PDXDC1: variants seen among roughly 807,000 people sequenced by gnomAD.
PDXDC1 encodes pyridoxal-dependent decarboxylase domain-containing protein 1.
In PDXDC1, 42 loss-of-function variants were observed where a neutral mutation model predicts 100.1. The observed-to-expected ratio is 0.42, with a 90% CI of 0.33 to 0.54. The LOEUF is 0.54. PDXDC1 is among the 20% of genes least tolerant of loss of function. The probability of loss-of-function intolerance (pLI) is 0.10; values close to 1 mark genes in which losing one functional copy is unlikely to be tolerated. For missense variants in PDXDC1, 636 were observed against 979.2 expected (o/e 0.65, Z 4.68); for synonymous variants, 260 against 371.7 (o/e 0.70, Z 3.46).
intron 16 of PDXDC1, chr16:15,132,589 G>C: frequency 1.4e-6 from 1 of 734,074 alleles, no homozygotes; most frequent in Non-Finnish European, 2.3e-6. Flanking sequence ...CAGAGACCGA[G>C]GAACGCCATG....
chr16:15,027,279 G>A (rs2042681452), intron 14 of PDXDC1, among the ~76,000 whole-genome samples: 4 of 152,294 alleles, frequency 2.6e-5, no homozygotes, highest in South Asian at 2.1e-4. Context: ...TCAGTGCCCC[G>A]CTGCTGCTCA....
chr16:14,977,482 G>T (rs1374686283), intron 1 of PDXDC1, among the ~76,000 whole-genome samples: 1 of 152,246 alleles, frequency 6.6e-6, no homozygotes, highest in South Asian at 2.1e-4. Flanking sequence ...GTTTCACCAC[G>T]TTGGTCAGGA....
rs1032352099 is a variant in PDXDC1 at position 15,088,072 on chromosome 16, T to C, written c.1400-50807T>C. Among the ~76,000 whole-genome samples the C allele has an allele frequency of 5.3e-5, 8 of 151,676 alleles. 1 individual carries two copies. The highest frequency in any genetic ancestry group is 1.7e-4 in the African/African-American group (7 of 41,230). On this transcript the variant is annotated intron_variant, in intron 16 of 16. Transcript: ENST00000535621. ...CAGAGGTTGCAGTGAGCCAAGATCATGCCACTGCACTCCAGCCTGGGCAAC... is the reference window on the plus strand; with the variant it reads ...CAGAGGTTGCAGTGAGCCAAGATCACGCCACTGCACTCCAGCCTGGGCAAC...
rs1191726825 is a variant in PDXDC1, at chr16:14,977,867, A to AT, written c.21+2648dup. 6.6e-5 allele frequency among the ~76,000 whole-genome samples: 10 copies of AT among 152,412 alleles called. No individual in the cohort carries two copies. The South Asian group carries it at 2.1e-3, about 32-fold the overall frequency. ...ATTTAAACTGATTGTTGCATAATTT[A>AT]TACTGATTACAGAAACCACAATGTT... is the stretch of plus-strand genomic sequence containing the variant. On this transcript the variant is annotated intron_variant, in intron 1 of 22. Transcript: ENST00000396410.
chr16:15,072,367 A>T (rs1471585829), intron 16 of PDXDC1, among the ~76,000 whole-genome samples: 2 of 152,184 alleles, frequency 1.3e-5, no homozygotes, highest in East Asian at 3.8e-4. Context: ...AAGGAAATAC[A>T]GTTAATTACC....
chr16:15,001,238 C>T (rs1164683323), intron 3 of PDXDC1, among the ~76,000 whole-genome samples: 1 of 152,262 alleles, frequency 6.6e-6, no homozygotes, highest in Admixed American at 6.5e-5. Context: ...CCTGTAATCC[C>T]AGCACTTTGG....
At chr16:15,145,921 G>C in the PDXDC1 span, among the ~76,000 whole-genome samples, 2 of 152,348 alleles carry the variant, frequency 1.3e-5, no homozygotes, top group Admixed American at 1.3e-4. Flanking sequence ...CTCCAGAAAA[G>C]AACACGTGTG....
intron 16 of PDXDC1, chr16:15,094,094 C>T (rs756153921): frequency 9.4e-6 from 14 of 1,492,040 alleles, no homozygotes; most frequent in African/African-American, 1.4e-5. Flanking sequence ...CTCTAAGCGC[C>T]GTCCTGAGCT....
chr16:15,019,046 A>G lies in PDXDC1; in HGVS notation c.1089+81A>G, dbSNP rs566230233. ...AAAACATCTCATTTCTGTACCTTCCATCCAGAGTGGTGTTGTCTGGATTGA... is the reference window on the plus strand; with the variant it reads ...AAAACATCTCATTTCTGTACCTTCCGTCCAGAGTGGTGTTGTCTGGATTGA... On this transcript the variant is annotated intron_variant, in intron 12 of 22. Transcript: ENST00000396410. 8.2e-6 allele frequency: 13 copies of G among 1,593,878 alleles called. No homozygotes were observed. The East Asian group carries it at 2.3e-4, about 28-fold the overall frequency.
intron 16 of PDXDC1, chr16:15,127,819 A>C (rs2047824863): frequency 6.4e-7 from 1 of 1,562,088 alleles, no homozygotes; most frequent in Non-Finnish European, 8.7e-7. Flanking sequence ...CCATATGGAG[A>C]GCCAGATGTG....
intron 16 of PDXDC1, chr16:15,047,752 G>A: frequency 9.5e-7 from 1 of 1,052,840 alleles, no homozygotes; most frequent in Admixed American, 1.7e-5. Flanking sequence ...GGTAAGCGGA[G>A]TCCGCTTCCA....
At chr16:15,045,795 G>T (rs1384035814) in intron 16 of PDXDC1, 3 of 152,350 alleles carry the variant, frequency 2.0e-5, no homozygotes, top group Non-Finnish European at 4.4e-5. Context: ...CCGTCAAGTG[G>T]GCGAATTCAC....
intron 16 of PDXDC1, among the ~76,000 whole-genome samples, chr16:15,068,730 T>C (rs1389073664): frequency 6.6e-6 from 1 of 152,204 alleles, no homozygotes; most frequent in African/African-American, 2.4e-5. Context: ...TCTGTAGTTT[T>C]TTTTCTAAAC....
At chr16:14,980,301 A>T (rs779924296) in intron 1 of PDXDC1, among the ~76,000 whole-genome samples, 4 of 150,136 alleles carry the variant, frequency 2.7e-5, no homozygotes, top group African/African-American at 7.3e-5. Context: ...TTGATTTATA[A>T]TTTTTTTTTT....
At chr16:14,976,120 C>G (rs1421296106) in intron 1 of PDXDC1, among the ~76,000 whole-genome samples, 2 of 152,274 alleles carry the variant, frequency 1.3e-5, no homozygotes, top group African/African-American at 4.8e-5. Context: ...TAAATGGAAA[C>G]CAGTTTGGGT....
chr16:15,021,384 CAAAA>C (rs377512816), intron 12 of PDXDC1, among the ~76,000 whole-genome samples: 4 of 142,666 alleles, frequency 2.8e-5, no homozygotes, highest in Non-Finnish European at 6.1e-5. Flanking sequence ...GACCCTGTCT[CAAAA>C]AAAAAAAAGA....
At chr16:15,035,647 TA>T in intron 22 of PDXDC1, 94 bp downstream of exon 22, 1 of 682,138 alleles carries the variant, frequency 1.5e-6, no homozygotes, top group Non-Finnish European at 2.5e-6. Flanking sequence ...TCCAGAGGTC[TA>T]TTTCTCTTAA....
chr16:15,013,470 G>T (rs891371206), intron 8 of PDXDC1, among the ~76,000 whole-genome samples: 2 of 152,216 alleles, frequency 1.3e-5, no homozygotes, highest in Admixed American at 1.3e-4. Flanking sequence ...TGGGATTTGG[G>T]GGTTGATGGA....
At chr16:15,136,824 C>G in intron 16 of PDXDC1, 1 of 1,023,832 alleles carries the variant, frequency 9.8e-7, no homozygotes, top group South Asian at 1.3e-5. Context: ...TCTGCCCCAT[C>G]TGGATGGCCC....
Sources: allele counts gnomAD v4.1 joint callset (sites outside exome capture counted in the v4.1 genomes callset), GRCh38; gene constraint gnomAD v4.1.1; transcripts MANE v1.5; gene names NCBI Gene and HGNC (gene_info 2026-07-23, HGNC 2026-07-21).